DLG2: variants seen among roughly 807,000 people sequenced by gnomAD.
DLG2 encodes discs large MAGUK scaffold protein 2, also known as disks large homolog 2.
A neutral mutation model predicts 132.5 loss-of-function variants in DLG2; 45 were observed. The observed-to-expected ratio is 0.34, with a 90% CI of 0.27 to 0.44. The LOEUF (loss-of-function observed/expected upper bound fraction) is 0.44. Ranked by LOEUF, DLG2 falls within the 20% of genes least tolerant of loss-of-function variation. DLG2 has a pLI of 1.00. For missense variants in DLG2, 1,045 were observed against 1,196.9 expected, an observed-to-expected ratio of 0.87 and a Z score of 1.87; for synonymous variants, 424 against 419.6, an observed-to-expected ratio of 1.01 and a Z score of -0.13.
intron 6 of DLG2, among the ~76,000 whole-genome samples, chr11:84,946,447 T>C (rs115578935): frequency 0.012 from 1,850 of 152,054 alleles, 37 homozygotes; most frequent in African/African-American, 0.041. Context: ...GCCAGGACTG[T>C]GTTATTCCCT....
chr11:85,419,542 T>C (rs749759262), intron 3 of DLG2, among the ~76,000 whole-genome samples: 59 of 152,198 alleles, frequency 3.9e-4, no homozygotes, highest in Non-Finnish European at 7.6e-4. Flanking sequence ...CTTGGCTCCA[T>C]TCTTCTCATC....
intron 25 of DLG2, 87 bp downstream of exon 25, chr11:83,469,114 A>C: frequency 1.0e-6 from 1 of 983,808 alleles, no homozygotes; most frequent in Non-Finnish European, 1.5e-6. Context: ...GCAATCAAGA[A>C]AGAGTAATGA....
intron 6 of DLG2, among the ~76,000 whole-genome samples, chr11:84,761,295 G>C (rs181472794): frequency 6.6e-6 from 1 of 152,308 alleles, no homozygotes; most frequent in Non-Finnish European, 1.5e-5. Flanking sequence ...GTAACATTTG[G>C]TAATGAAGCC....
At chr11:85,526,504 G>A (rs1048625230) in intron 3 of DLG2, among the ~76,000 whole-genome samples, 4 of 152,050 alleles carry the variant, frequency 2.6e-5, no homozygotes, top group African/African-American at 7.2e-5. Flanking sequence ...ATTAACTGCA[G>A]AACCACACAA....
chr11:84,425,928 T>C (rs1442790923), intron 7 of DLG2, among the ~76,000 whole-genome samples: 1 of 152,162 alleles, frequency 6.6e-6, no homozygotes, highest in African/African-American at 2.4e-5. Context: ...GGAATTGTTT[T>C]CCAAATGCCA....
intron 6 of DLG2, among the ~76,000 whole-genome samples, chr11:84,538,034 T>A (rs531064327): frequency 3.3e-5 from 5 of 152,318 alleles, no homozygotes; most frequent in Admixed American, 3.3e-4. Flanking sequence ...ATGCTAAGAA[T>A]ATGAACTGAA....
chr11:85,375,064 T>C (rs2085298544), intron 3 of DLG2, among the ~76,000 whole-genome samples: 1 of 152,164 alleles, frequency 6.6e-6, no homozygotes, highest in African/African-American at 2.4e-5. Context: ...TTCATTTCTT[T>C]TTTTTTCCCT....
intron 6 of DLG2, among the ~76,000 whole-genome samples, chr11:84,709,924 T>C (rs2060191711): frequency 6.6e-6 from 1 of 151,908 alleles, no homozygotes; most frequent in African/African-American, 2.4e-5. Context: ...ACTCCTAAAA[T>C]CCTTCTCTAT....
At chr11:85,591,310 A>C (rs1400681364) in intron 3 of DLG2, among the ~76,000 whole-genome samples, 1 of 152,198 alleles carries the variant, frequency 6.6e-6, no homozygotes, top group African/African-American at 2.4e-5. Flanking sequence ...TGCCCTATAC[A>C]ACTCCTAGAA....
At chr11:83,809,915 T>C (rs2046850388) in intron 17 of DLG2, among the ~76,000 whole-genome samples, 1 of 152,172 alleles carries the variant, frequency 6.6e-6, no homozygotes, top group African/African-American at 2.4e-5. Context: ...CATTGCTAAA[T>C]ATTGCTTCTC....
At chr11:83,804,690 C>T (rs911597087) in intron 17 of DLG2, among the ~76,000 whole-genome samples, 2 of 151,768 alleles carry the variant, frequency 1.3e-5, no homozygotes, top group Non-Finnish European at 2.9e-5. Flanking sequence ...AAGGCATCTT[C>T]CCAGTGTAAA....
chr11:84,346,894 A>G (rs1379747263), intron 7 of DLG2, among the ~76,000 whole-genome samples: 1 of 151,962 alleles, frequency 6.6e-6, no homozygotes, highest in African/African-American at 2.4e-5. Flanking sequence ...CACTGTCTTT[A>G]TCTGTAAAGT....
chr11:84,459,057 T>C (rs539688464), intron 7 of DLG2, among the ~76,000 whole-genome samples: 6 of 150,670 alleles, frequency 4.0e-5, no homozygotes, highest in African/African-American at 1.5e-4. Context: ...ACTCCAGCAG[T>C]CCCTAAGCCT....
chr11:85,296,502 A>AT (rs1335550862), intron 3 of DLG2, among the ~76,000 whole-genome samples: 3 of 35,986 alleles, frequency 8.3e-5, no homozygotes, highest in Non-Finnish European at 1.3e-4. Flanking sequence ...GTTCTTTCTT[A>AT]TTTTTTCCTT....
At chr11:83,973,801 GCTTAT>G (rs1204375775) in intron 12 of DLG2, among the ~76,000 whole-genome samples, 2 of 152,034 alleles carry the variant, frequency 1.3e-5, no homozygotes, top group Non-Finnish European at 2.9e-5. Context: ...GTGTTCAAGA[GCTTAT>G]CTTGAGATTC....
At chr11:84,344,017 C>A (rs943557053) in intron 7 of DLG2, among the ~76,000 whole-genome samples, 2 of 151,980 alleles carry the variant, frequency 1.3e-5, no homozygotes, top group South Asian at 4.2e-4. Context: ...CAGATTCATG[C>A]AGAGTGAGGA....
intron 6 of DLG2, among the ~76,000 whole-genome samples, chr11:84,905,412 C>A (rs921090446): frequency 6.6e-6 from 1 of 152,196 alleles, no homozygotes; most frequent in African/African-American, 2.4e-5. Context: ...GACTCTATGA[C>A]TTAACACAAT....
intron 6 of DLG2, among the ~76,000 whole-genome samples, chr11:84,995,589 A>G (rs1230519262): frequency 3.3e-5 from 5 of 152,186 alleles, no homozygotes; most frequent in African/African-American, 7.2e-5. Flanking sequence ...AAATATATAC[A>G]CTTACATATA....
At chr11:83,978,762 TG>T (rs749900160) in intron 12 of DLG2, among the ~76,000 whole-genome samples, 1 of 152,024 alleles carries the variant, frequency 6.6e-6, no homozygotes, top group Non-Finnish European at 1.5e-5. Flanking sequence ...ACACAGTAGG[TG>T]GGCAGCATGT....
Sources: gnomAD v4.1 joint callset for allele counts (sites outside exome capture counted in the v4.1 genomes callset) on GRCh38, gnomAD v4.1.1 for gene constraint, MANE v1.5 for transcripts, NCBI Gene and HGNC (gene_info 2026-07-23, HGNC 2026-07-21) for gene names.